XKR6: variants seen among roughly 807,000 people sequenced by gnomAD.
XKR6 encodes the protein XK related 6, also known as XK-related protein 6.
A neutral mutation model predicts 56.7 loss-of-function variants in XKR6; 22 were observed. The ratio of observed to expected loss-of-function variants is 0.39; its 90% CI spans 0.28 to 0.55. XKR6 has a LOEUF of 0.55. Ranked by LOEUF, XKR6 falls within the 20% of genes least tolerant of loss-of-function variation. XKR6 has a pLI of 0.66. For synonymous variants in XKR6, 524 were observed against 387.8 expected, an observed-to-expected ratio of 1.35 and a Z score of -4.13; for missense variants, 852 against 889.0, an observed-to-expected ratio of 0.96 and a Z score of 0.53.
In XKR6 at chr8:11,201,583, G is replaced by A. The variant is rs1017824850; in HGVS notation, c.-244C>T. Among the ~76,000 whole-genome samples the A allele has an allele frequency of 6.6e-6, 1 of 152,044 alleles. No homozygotes were observed. Among genetic ancestry groups the A allele is most frequent in the African/African-American group, 2.4e-5 (1 of 41,408 alleles). ...GCAGCTCCCCAGCCCTACCCTCCCG[G>A]CCAAGATGGCCGCCCTCCTGTGCCT... On this transcript the variant is annotated 5_prime_UTR_variant, in exon 1 of 3. Transcript: ENST00000416569.
intron 1 of XKR6, among the ~76,000 whole-genome samples, chr8:11,017,966 C>T (rs1005066122): frequency 1.3e-5 from 2 of 152,266 alleles, no homozygotes; most frequent in East Asian, 3.9e-4. Flanking sequence ...TTCTCCTGTT[C>T]CCATCTCCTC....
intron 1 of XKR6, among the ~76,000 whole-genome samples, chr8:11,171,012 T>C (rs559832758): frequency 6.4e-4 from 98 of 152,356 alleles, no homozygotes; most frequent in Middle Eastern, 3.4e-3. Flanking sequence ...TCTTGAATTC[T>C]TGACTCTTCC....
chr8:11,087,828 G>C (rs545780458), intron 1 of XKR6, among the ~76,000 whole-genome samples: 1 of 152,150 alleles, frequency 6.6e-6, no homozygotes, highest in Non-Finnish European at 1.5e-5. Flanking sequence ...GTGAGTTTCC[G>C]TCACTAGAAA....
At chr8:10,946,154 G>T (rs546543548) in intron 1 of XKR6, among the ~76,000 whole-genome samples, 4 of 152,144 alleles carry the variant, frequency 2.6e-5, no homozygotes, top group South Asian at 4.2e-4. Context: ...CTGCCTGCAG[G>T]TTTCTCACAA....
chr8:11,132,791 A>ACACACGCAC (rs1329802185), intron 1 of XKR6, among the ~76,000 whole-genome samples: 1 of 148,768 alleles, frequency 6.7e-6, no homozygotes, highest in Non-Finnish European at 1.5e-5. Flanking sequence ...ACACACGCAC[A>ACACACGCAC]TTTTTTTTCT....
At chr8:11,060,277 C>T (rs893529731) in intron 1 of XKR6, among the ~76,000 whole-genome samples, 2 of 152,148 alleles carry the variant, frequency 1.3e-5, no homozygotes, top group African/African-American at 4.8e-5. Context: ...GGGGAGGAGA[C>T]AGCCAGCAGC....
intron 1 of XKR6, among the ~76,000 whole-genome samples, chr8:11,029,758 C>G (rs1217327757): frequency 6.6e-6 from 1 of 152,050 alleles, no homozygotes; most frequent in Non-Finnish European, 1.5e-5. Flanking sequence ...TCCACTTGCC[C>G]TTTAGCCAGT....
At chr8:11,114,155 T>C (rs899019147) in intron 1 of XKR6, 1 of 389,548 alleles carries the variant, frequency 2.6e-6, no homozygotes, top group South Asian at 1.9e-5. Context: ...AACATGACAC[T>C]AAAATATAAA....
intron 1 of XKR6, among the ~76,000 whole-genome samples, chr8:11,057,850 G>A (rs887643889): frequency 3.3e-5 from 5 of 152,176 alleles, no homozygotes; most frequent in African/African-American, 1.2e-4. Context: ...GAGTTCCTGA[G>A]GACACAATGC....
rs564736582 is a variant in XKR6, at chr8:11,201,462, G to A, written c.-123C>T. ...GAAGGGGGGCGGGGAGGAAGCGGGG[G>A]AGCAAACGAACGAGGGGGGAGTGGG... On this transcript the variant is annotated 5_prime_UTR_variant, in exon 1 of 3. Transcript: ENST00000416569. 1.2e-5 allele frequency: 6 copies of A among 493,700 alleles called. No homozygotes were observed. The highest frequency in any genetic ancestry group is 1.1e-4 in the African/African-American group (5 of 47,410). 30.6% of individuals were successfully genotyped at this position (493,700 alleles called of 1,614,324 possible).
chr8:11,131,612 TG>T (rs1209480820), intron 1 of XKR6, among the ~76,000 whole-genome samples: 1 of 152,194 alleles, frequency 6.6e-6, no homozygotes, highest in Non-Finnish European at 1.5e-5. Flanking sequence ...TCTCTTCCCC[TG>T]AAGTAGTCAG....
chr8:11,062,815 T>G, intron 1 of XKR6: 1 of 456,202 alleles, frequency 2.2e-6, no homozygotes, highest in Non-Finnish European at 4.4e-6. Flanking sequence ...CCCAGCCTCC[T>G]CGGCAATCAG....
At chr8:10,998,762 C>A (rs977279463) in intron 1 of XKR6, among the ~76,000 whole-genome samples, 1 of 152,040 alleles carries the variant, frequency 6.6e-6, no homozygotes, top group Non-Finnish European at 1.5e-5. Context: ...ACCCCTGAAA[C>A]CTGACCACCC....
intron 1 of XKR6, among the ~76,000 whole-genome samples, chr8:11,126,799 G>C (rs367860608): frequency 7.2e-5 from 11 of 152,266 alleles, no homozygotes; most frequent in African/African-American, 2.4e-4. Flanking sequence ...GAGACCAGGA[G>C]ATGTTAGAAT....
intron 2 of XKR6, among the ~76,000 whole-genome samples, chr8:10,913,214 T>A (rs1199934132): frequency 6.6e-6 from 1 of 151,876 alleles, no homozygotes; most frequent in African/African-American, 2.4e-5. Flanking sequence ...AATTACATTG[T>A]TCATATACTT....
intron 1 of XKR6, among the ~76,000 whole-genome samples, chr8:11,007,932 GAGGGC>G (rs556489257): frequency 1.1e-3 from 165 of 152,236 alleles, no homozygotes; most frequent in African/African-American, 3.8e-3. Context: ...AGAGTGGGGG[GAGGGC>G]AGGGCAGAGC....
At chr8:11,172,695 A>G (rs985997083) in intron 1 of XKR6, among the ~76,000 whole-genome samples, 1 of 152,196 alleles carries the variant, frequency 6.6e-6, no homozygotes, top group East Asian at 1.9e-4. Context: ...TCAACCACAG[A>G]AAAAGCTTCC....
At chr8:11,071,308 C>T (rs780861562) in intron 1 of XKR6, among the ~76,000 whole-genome samples, 7 of 152,138 alleles carry the variant, frequency 4.6e-5, no homozygotes, top group Non-Finnish European at 7.4e-5. Context: ...GGCATGATCT[C>T]GGCTCACTGC....
intron 1 of XKR6, among the ~76,000 whole-genome samples, chr8:11,000,007 A>G (rs1214359567): frequency 6.6e-6 from 1 of 152,228 alleles, no homozygotes; most frequent in Non-Finnish European, 1.5e-5. Context: ...GGCTAATGGC[A>G]TTCCATCTGT....
Sources: allele counts gnomAD v4.1 joint callset (sites outside exome capture counted in the v4.1 genomes callset), GRCh38; gene constraint gnomAD v4.1.1; transcripts MANE v1.5; gene names NCBI Gene and HGNC (gene_info 2026-07-23, HGNC 2026-07-21).